ARHGEF7: variants seen among roughly 807,000 people sequenced by gnomAD.
ARHGEF7 encodes the protein PAK-interacting exchange factor beta.
A neutral mutation model predicts 109.8 loss-of-function variants in ARHGEF7; 33 were observed. The ratio of observed to expected loss-of-function variants is 0.30; its 90% CI spans 0.23 to 0.40. ARHGEF7 has a LOEUF of 0.40. Among genes scored for constraint, ARHGEF7 ranks in the 10% least tolerant of loss-of-function variants. ARHGEF7 has a pLI of 1.00. For synonymous variants in ARHGEF7, 458 were observed against 424.6 expected (o/e 1.08, Z -0.97); for missense variants, 938 against 1,098.5 (o/e 0.85, Z 2.07).
At chr13:111,138,651 A>G (rs904813171) in intron 1 of ARHGEF7, among the ~76,000 whole-genome samples, 5 of 152,166 alleles carry the variant, frequency 3.3e-5, no homozygotes, top group Admixed American at 6.5e-5. Context: ...AGCAGCCTGC[A>G]CCGCTCGCAC....
Position 111,272,424 on chromosome 13 carries a change from C to T in ARHGEF7, c.1074-1390C>T, listed in dbSNP as rs546673811. On this transcript the variant is annotated intron_variant, in intron 9 of 21. Transcript: ENST00000646102. This position sits in a 1 kb window ranked among gnomAD's most constrained non-coding sequence, Gnocchi z 5.2. The stretch of plus-strand genomic sequence containing the variant: ...TGGGAGGCTCCTGTGAGACCAGAAC[C>T]GGAAATTGGCTTGTTTCTCAGTTTT... 1.3e-4 allele frequency among the ~76,000 whole-genome samples: 20 copies of T among 152,190 alleles called. No individual in the cohort carries two copies. Among genetic ancestry groups the T allele is most frequent in the Middle Eastern group, 3.4e-3 (1 of 294 alleles).
intron 2 of ARHGEF7, among the ~76,000 whole-genome samples, chr13:111,190,691 G>A (rs1375498970): frequency 6.6e-6 from 1 of 152,152 alleles, no homozygotes; most frequent in Non-Finnish European, 1.5e-5. Context: ...GAGGGGTACT[G>A]ATAAAGTCTG....
intron 2 of ARHGEF7, among the ~76,000 whole-genome samples, chr13:111,191,365 G>C (rs998356774): frequency 6.6e-6 from 1 of 152,216 alleles, no homozygotes; most frequent in Admixed American, 6.5e-5. Flanking sequence ...TAACAGGGCC[G>C]TGTATGCGCT....
intron 18 of ARHGEF7, among the ~76,000 whole-genome samples, chr13:111,289,832 G>A (rs1013458651): frequency 1.3e-5 from 2 of 151,860 alleles, no homozygotes; most frequent in African/African-American, 2.4e-5. Context: ...TACTGGTGTC[G>A]TACCATATCC....
At chr13:111,254,507 C>T (rs1423851068) in intron 8 of ARHGEF7, among the ~76,000 whole-genome samples, 5 of 139,934 alleles carry the variant, frequency 3.6e-5, no homozygotes, top group African/African-American at 5.6e-5. Context: ...CGGGCTAAGG[C>T]GCTGAGTCGC....
At position 111,239,709 on chromosome 13, in the gene ARHGEF7, T is replaced by C. The variant is rs2087434189; in HGVS notation, c.760-4163T>C. Among the ~76,000 whole-genome samples the C allele has an allele frequency of 6.6e-6, 1 of 152,090 alleles. No homozygotes were observed. Among genetic ancestry groups the C allele is most frequent in the Non-Finnish European group, 1.5e-5 (1 of 68,006 alleles). The stretch of plus-strand genomic sequence containing the variant: ...CAGCTTGTGGGATCCCCTCTTTTCC[T>C]GGGCGGCGAGGTGCCTGCTGGCTTC... On this transcript the variant is annotated intron_variant, in intron 6 of 21. Coordinates refer to ENST00000646102, the MANE Select transcript of ARHGEF7 (RefSeq NM_001354046.2). This position sits in a 1 kb window ranked among gnomAD's most constrained non-coding sequence, Gnocchi z 4.3.
intron 8 of ARHGEF7, among the ~76,000 whole-genome samples, chr13:111,245,000 G>A (rs1436089445): frequency 6.6e-6 from 1 of 152,178 alleles, no homozygotes; most frequent in African/African-American, 2.4e-5. Flanking sequence ...TTGGTGAGAG[G>A]TCAGGTGAAT....
chr13:111,174,450 G>T (rs969466582), intron 2 of ARHGEF7, among the ~76,000 whole-genome samples: 4 of 152,172 alleles, frequency 2.6e-5, no homozygotes, highest in Admixed American at 6.5e-5. Flanking sequence ...AGGCCATCTT[G>T]CTGTCTTCTG....
intron 2 of ARHGEF7, among the ~76,000 whole-genome samples, chr13:111,201,406 AAACATACTCT>A (rs1283836684): frequency 1.3e-5 from 2 of 152,228 alleles, no homozygotes; most frequent in Non-Finnish European, 2.9e-5. Context: ...GAGGTCCAGT[AAACATACTCT>A]ATGAGAATAG....
chr13:111,247,063 T>A (rs181767626), intron 8 of ARHGEF7, among the ~76,000 whole-genome samples: 2 of 152,336 alleles, frequency 1.3e-5, no homozygotes, highest in Admixed American at 6.5e-5. Flanking sequence ...GCTACATGTA[T>A]ACGAGGTGTT....
intron 2 of ARHGEF7, among the ~76,000 whole-genome samples, chr13:111,169,386 A>G (rs1050736381): frequency 2.6e-5 from 4 of 152,172 alleles, no homozygotes; most frequent in Non-Finnish European, 5.9e-5. Flanking sequence ...GAAACTTACA[A>G]TCGTGGTGGA....
Position 111,286,215 on chromosome 13 carries a change from A to G in ARHGEF7, c.2019A>G (p.Ser673=), listed in dbSNP as rs771237284. ...LPKRKPERKP[S]DEEFASRKST... is the part of the protein sequence containing the mutation. The stretch of plus-strand genomic sequence containing the variant: ...AGCGCAAACCTGAACGGAAGCCTTC[A>G]GATGAGGAGTTCGCGTCCCGGAAAA... The change falls in exon 17 of 22, where the codon TCA becomes TCG. Residue 673 remains serine (S), a synonymous_variant. Transcript: ENST00000646102. 6.2e-7 allele frequency: 1 copy of G among 1,614,088 alleles called. No homozygotes were observed. Among genetic ancestry groups the G allele is most frequent in the East Asian group, 2.2e-5 (1 of 44,864 alleles).
At chr13:111,229,029 C>G (rs1292675758) in intron 5 of ARHGEF7, among the ~76,000 whole-genome samples, 2 of 151,962 alleles carry the variant, frequency 1.3e-5, no homozygotes, top group African/African-American at 4.8e-5. Flanking sequence ...GGCAGAAATT[C>G]CCAGCCCTGT....
intron 1 of ARHGEF7, among the ~76,000 whole-genome samples, chr13:111,120,791 G>C (rs2067148433): frequency 6.6e-6 from 1 of 152,214 alleles, no homozygotes; most frequent in Non-Finnish European, 1.5e-5. Context: ...CCTCTCGTTT[G>C]CAGGCGCTGT....
rs1371538005 is a variant in ARHGEF7, at chr13:111,303,481, C to T, written c.*368C>T. The T allele has an allele frequency of 6.5e-6, 1 of 154,794 alleles. No individual in the cohort carries two copies. The highest frequency in any genetic ancestry group is 1.4e-5 in the Non-Finnish European group (1 of 69,782). 9.6% of individuals were successfully genotyped at this position (154,794 alleles called of 1,614,324 possible). On this transcript the variant is annotated 3_prime_UTR_variant, in exon 22 of 22. Transcript: ENST00000646102. ...TAAATATCCCATTTTGAATGCATACCTGTGGTGGTTCTGTCCGGGCTAATC... is the reference window on the plus strand; with the variant it reads ...TAAATATCCCATTTTGAATGCATACTTGTGGTGGTTCTGTCCGGGCTAATC...
Position 111,145,962 on chromosome 13 carries a change from G to A in ARHGEF7, c.166-7943G>A, listed in dbSNP as rs2075568738. 6.6e-6 allele frequency among the ~76,000 whole-genome samples: 1 copy of A among 152,204 alleles called. No individual in the cohort carries two copies. The highest frequency in any genetic ancestry group is 1.5e-5 in the Non-Finnish European group (1 of 68,040). ...TGAGTGGATTTGGTGACCTAAGTGA[G>A]TTAGGTCATTTAGTGCACAGTTGCT... is the stretch of plus-strand genomic sequence containing the variant. On this transcript the variant is annotated intron_variant, in intron 1 of 21. Coordinates refer to ENST00000646102, the MANE Select transcript of ARHGEF7 (RefSeq NM_001354046.2). This position sits in a 1 kb window ranked among gnomAD's most constrained non-coding sequence, Gnocchi z 4.3.
chr13:111,156,292 A>G (rs1041937502), intron 2 of ARHGEF7, among the ~76,000 whole-genome samples: 2 of 152,186 alleles, frequency 1.3e-5, no homozygotes, highest in African/African-American at 2.4e-5. Flanking sequence ...TTTGTTACTA[A>G]TAGAATGAAC....
intron 2 of ARHGEF7, among the ~76,000 whole-genome samples, chr13:111,179,377 C>T (rs2078513621): frequency 6.6e-6 from 1 of 152,188 alleles, no homozygotes; most frequent in Non-Finnish European, 1.5e-5. Flanking sequence ...AGCCACTGCA[C>T]CCGGCCTCAA....
rs1594818044 is a variant in ARHGEF7 at position 111,217,772 on chromosome 13, G to A, written c.562G>A (p.Asp188Asn). 15 of 1,614,232 alleles carry A rather than the reference G, an allele frequency of 9.3e-6. No homozygotes were observed. Among genetic ancestry groups the A allele is most frequent in the Non-Finnish European group, 1.3e-5 (15 of 1,180,026 alleles). The change falls in exon 5 of 22, where the codon GAC becomes AAC. Residue 188 changes from aspartate to asparagine, a missense_variant. Around this residue, in one of 4 missense-constraint regions of ARHGEF7, gnomAD observed 585 missense variants for 723.6 expected, o/e 0.81. Coordinates refer to ENST00000646102, the MANE Select transcript of ARHGEF7 (RefSeq NM_001354046.2). ...GGACGAGCTTTCCTTCTCAAAAGGA[G>A]ACGTCATCCATGTCACCCGTGTGGA... Reference protein sequence around the residue: ...NEDELSFSKGDVIHVTRVEEG... With the variant: ...NEDELSFSKGNVIHVTRVEEG...
Sources: gnomAD v4.1 joint callset for allele counts (sites outside exome capture counted in the v4.1 genomes callset) on GRCh38, gnomAD v4.1.1 for gene constraint, gnomAD v4.1.1 regional missense constraint, Gnocchi (gnomAD v3.1) non-coding constraint, MANE v1.5 for transcripts, NCBI Gene and HGNC (gene_info 2026-07-23, HGNC 2026-07-21) for gene names.